ANKRD22: variants seen among roughly 807,000 people sequenced by gnomAD.
ANKRD22 encodes ankyrin repeat domain 22.
In ANKRD22, 24 loss-of-function variants were observed where a neutral mutation model predicts 25.7. The observed-to-expected ratio is 0.93, with a 90% confidence interval of 0.68 to 1.31. The LOEUF (loss-of-function observed/expected upper bound fraction) is 1.31. Ranked by LOEUF, ANKRD22 falls within the 50% of genes most tolerant of loss-of-function variation. The pLI is 0.00. For missense variants in ANKRD22, 214 were observed against 227.1 expected, an observed-to-expected ratio of 0.94 and a Z score of 0.37; for synonymous variants, 84 against 84.3, an observed-to-expected ratio of 1.00 and a Z score of 0.02.
rs77230062 is a variant in ANKRD22, at chr10:88,830,342, A to T, written c.213+1493T>A. Among the ~76,000 whole-genome samples the T allele has an allele frequency of 0.015, 2,291 of 152,260 alleles. 84 individuals carry two copies. The East Asian group carries it at 0.16, about 11-fold the overall frequency. On this transcript the variant is annotated intron_variant, in intron 2 of 5. Coordinates refer to ENST00000371930, the MANE Select transcript of ANKRD22 (RefSeq NM_144590.3). Reference sequence around the variant, plus strand: ...GTCAGTTTGACAGACAAAAACAAGGATCTTTATGTTTTAATTTAATTTGCT... The same window carrying T: ...GTCAGTTTGACAGACAAAAACAAGGTTCTTTATGTTTTAATTTAATTTGCT...
chr10:88,825,001 TCTCTCTCTCTCACA>T (rs1843839016), intron 4 of ANKRD22, among the ~76,000 whole-genome samples: 1 of 81,316 alleles, frequency 1.2e-5, no homozygotes, highest in Non-Finnish European at 3.0e-5. Context: ...TCTCTCTCTC[TCTCTCTCTCTCACA>T]CACACACACA....
intron 1 of ANKRD22, among the ~76,000 whole-genome samples, chr10:88,847,790 AAAG>A (rs1174832854): frequency 6.6e-6 from 1 of 152,082 alleles, no homozygotes; most frequent in Non-Finnish European, 1.5e-5. Flanking sequence ...AAAAACAAAA[AAAG>A]ACACACACAG....
At chr10:88,842,832 G>A (rs1462342146) in intron 1 of ANKRD22, among the ~76,000 whole-genome samples, 1 of 151,986 alleles carries the variant, frequency 6.6e-6, no homozygotes, top group Non-Finnish European at 1.5e-5. Flanking sequence ...ATTGTAATGT[G>A]GTAATAATAG....
intron 1 of ANKRD22, among the ~76,000 whole-genome samples, chr10:88,845,179 C>A (rs1177333255): frequency 6.6e-6 from 1 of 151,982 alleles, no homozygotes; most frequent in Admixed American, 6.6e-5. Flanking sequence ...AAATGTGTTT[C>A]CCCCTCAACC....
In ANKRD22 at chr10:88,848,616, C is replaced by T. The variant is rs1331061; in HGVS notation, c.21+2971G>A. Reference sequence around the variant, plus strand: ...GCCTTTCTCATATCACAGAATGACACGATGTTAAATGTGAAACCAGATCTC... The same window carrying T: ...GCCTTTCTCATATCACAGAATGACATGATGTTAAATGTGAAACCAGATCTC... On this transcript the variant is annotated intron_variant, in intron 1 of 5. Coordinates refer to ENST00000371930, the MANE Select transcript of ANKRD22 (RefSeq NM_144590.3). Among the ~76,000 whole-genome samples, 439 of 152,174 alleles carry T rather than the reference C, an allele frequency of 2.9e-3. 2 individuals carry two copies. Among genetic ancestry groups the T allele is most frequent in the Non-Finnish European group, 2.6e-3 (180 of 67,986 alleles).
intron 4 of ANKRD22, among the ~76,000 whole-genome samples, chr10:88,825,011 T>TCACACACACACACACACA (rs71022545): frequency 9.0e-6 from 1 of 111,420 alleles, no homozygotes. Flanking sequence ...TCTCTCTCTC[T>TCACACACACACACACACA]CACACACACA....
Position 88,821,285 on chromosome 10 carries a change from C to A in ANKRD22, c.*1656G>T, listed in dbSNP as rs1843791065. 6.6e-6 allele frequency among the ~76,000 whole-genome samples: 1 copy of A among 152,174 alleles called. No individual in the cohort carries two copies. Among genetic ancestry groups the A allele is most frequent in the African/African-American group, 2.4e-5 (1 of 41,436 alleles). On this transcript the variant is annotated 3_prime_UTR_variant, in exon 6 of 6. Transcript: ENST00000371930. ...GCATAATGTCATGAGCATGATGAAA[C>A]AAATTGTCATATACTTTATCCTTTA...
intron 1 of ANKRD22, among the ~76,000 whole-genome samples, chr10:88,833,534 G>A (rs1442466536): frequency 6.6e-6 from 1 of 152,146 alleles, no homozygotes. Context: ...AAACTGGGAC[G>A]TATCAAGGGG....
chr10:88,832,931 C>G (rs1843921062), intron 1 of ANKRD22, among the ~76,000 whole-genome samples: 1 of 152,210 alleles, frequency 6.6e-6, no homozygotes, highest in Non-Finnish European at 1.5e-5. Flanking sequence ...ATAAAACACA[C>G]CACCTGCCTT....
intron 4 of ANKRD22, 197 bp from the exon 5 acceptor site, chr10:88,823,575 C>G (rs1843822662): frequency 2.0e-5 from 10 of 494,908 alleles, no homozygotes; most frequent in Non-Finnish European, 3.3e-5. Context: ...CGCCTGTAAT[C>G]CCAGCACTTT....
chr10:88,830,302 TC>T (rs1343241866), intron 2 of ANKRD22, among the ~76,000 whole-genome samples: 1 of 152,238 alleles, frequency 6.6e-6, no homozygotes, highest in Non-Finnish European at 1.5e-5. Flanking sequence ...ACATTTGTTT[TC>T]TTTTTTAATC....
At chr10:88,829,511 A>T (rs953116530) in intron 2 of ANKRD22, among the ~76,000 whole-genome samples, 2 of 152,236 alleles carry the variant, frequency 1.3e-5, no homozygotes, top group African/African-American at 4.8e-5. Context: ...TTAACTGTTG[A>T]CATTTTGTTG....
At chr10:88,844,930 G>A (rs1271114429) in intron 1 of ANKRD22, among the ~76,000 whole-genome samples, 1 of 152,086 alleles carries the variant, frequency 6.6e-6, no homozygotes, top group Non-Finnish European at 1.5e-5. Flanking sequence ...GTGGAGATGA[G>A]CTTTGAACCT....
intron 3 of ANKRD22, among the ~76,000 whole-genome samples, chr10:88,827,713 C>T (rs184237358): frequency 6.6e-6 from 1 of 151,998 alleles, no homozygotes; most frequent in African/African-American, 2.4e-5. Context: ...ATTTAAATAC[C>T]CAATGAAATA....
chr10:88,835,408 T>C (rs1159091391), intron 1 of ANKRD22, among the ~76,000 whole-genome samples: 1 of 152,166 alleles, frequency 6.6e-6, no homozygotes, highest in Non-Finnish European at 1.5e-5. Context: ...GAGAAATGTG[T>C]TGTTAGGTGA....
At chr10:88,843,887 T>A (rs1844025463) in intron 1 of ANKRD22, among the ~76,000 whole-genome samples, 2 of 152,266 alleles carry the variant, frequency 1.3e-5, no homozygotes, top group South Asian at 4.1e-4. Context: ...GACATTTAGG[T>A]CAGGGAAGCT....
intron 1 of ANKRD22, among the ~76,000 whole-genome samples, chr10:88,841,794 A>C (rs1844005802): frequency 6.6e-6 from 1 of 152,174 alleles, no homozygotes; most frequent in Non-Finnish European, 1.5e-5. Flanking sequence ...TTCCAGCAGA[A>C]TCGACCAAAT....
intron 1 of ANKRD22, among the ~76,000 whole-genome samples, chr10:88,835,832 T>C (rs1843949004): frequency 6.6e-6 from 1 of 152,090 alleles, no homozygotes; most frequent in Non-Finnish European, 1.5e-5. Context: ...AGAAAAGCAC[T>C]GACAGCGGGC....
At chr10:88,847,692 C>A (rs1441899141) in intron 1 of ANKRD22, among the ~76,000 whole-genome samples, 3 of 151,810 alleles carry the variant, frequency 2.0e-5, no homozygotes, top group Non-Finnish European at 4.4e-5. Flanking sequence ...CCATAAGTAT[C>A]TGCAGACCTT....
Sources: allele counts gnomAD v4.1 joint callset (sites outside exome capture counted in the v4.1 genomes callset), GRCh38; gene constraint gnomAD v4.1.1; transcripts MANE v1.5; gene names NCBI Gene and HGNC (gene_info 2026-07-23, HGNC 2026-07-21).